ATRNL1: variants seen among roughly 807,000 people sequenced by gnomAD.
The protein encoded by ATRNL1 is attractin-like protein 1.
In ATRNL1, 95 loss-of-function variants were observed where a neutral mutation model predicts 182.7. The ratio of observed to expected loss-of-function variants is 0.52; its 90% CI spans 0.44 to 0.62. ATRNL1 has a LOEUF of 0.62. Among genes scored for constraint, ATRNL1 ranks in the 20% least tolerant of loss-of-function variants. ATRNL1 has a pLI of 0.00. For synonymous variants in ATRNL1, 576 were observed against 568.3 expected (o/e 1.01, Z -0.19); for missense variants, 1,471 against 1,679.5 (o/e 0.88, Z 2.17).
In ATRNL1 at chr10:115,286,233, G is replaced by A. The variant is rs782638254; in HGVS notation, c.2251G>A (p.Gly751Arg). The change falls in exon 15 of 29, where the codon GGA (glycine) becomes AGA (arginine). Residue 751 changes from glycine to arginine, a missense_variant. Transcript: ENST00000355044. ...CTTACTAGCTCATCTTTGTGGAGAA[G>A]GATGGAGTCATATTGGGGATGCTTG... ...QALPAHLCGEGWSHIGDACLR... is the reference protein window; with the variant it reads ...QALPAHLCGERWSHIGDACLR... The A allele has an allele frequency of 1.6e-5, 25 of 1,578,156 alleles. No individual in the cohort carries two copies. The highest frequency in any genetic ancestry group is 1.7e-5 in the Non-Finnish European group (20 of 1,152,222).
Position 115,364,482 on chromosome 10 carries a change from TC to T in ATRNL1, c.3175+30065del, listed in dbSNP as rs1304242736. The stretch of plus-strand genomic sequence containing the variant: ...GTCTGCAAACAGGGACAATTTGACT[TC>T]CTCTTTTCCTAATTGAATACCCTTT... On this transcript the variant is annotated intron_variant, in intron 19 of 28. Coordinates refer to ENST00000355044, the MANE Select transcript of ATRNL1 (RefSeq NM_207303.4). Among the ~76,000 whole-genome samples, 4 of 147,618 alleles carry T rather than the reference TC, an allele frequency of 2.7e-5. No individual in the cohort carries two copies. In the Admixed American group the frequency reaches 2.7e-4, roughly 10 times the overall value.
chr10:115,284,193 A>C (rs1852500579), intron 14 of ATRNL1, among the ~76,000 whole-genome samples: 1 of 152,214 alleles, frequency 6.6e-6, no homozygotes, highest in South Asian at 2.1e-4. Flanking sequence ...ATACTACAAA[A>C]GCCTGAAGTA....
chr10:115,730,808 C>T (rs925698443), intron 27 of ATRNL1, among the ~76,000 whole-genome samples: 17 of 151,794 alleles, frequency 1.1e-4, no homozygotes, highest in African/African-American at 4.1e-4. Flanking sequence ...TGTATATATT[C>T]TATATATATA....
At chr10:115,875,022 G>A (rs1333691730) in intron 28 of ATRNL1, among the ~76,000 whole-genome samples, 2 of 152,142 alleles carry the variant, frequency 1.3e-5, no homozygotes, top group African/African-American at 4.8e-5. Context: ...AGTAATCCAG[G>A]CAGGTGAGGG....
intron 17 of ATRNL1, among the ~76,000 whole-genome samples, chr10:115,307,933 C>T (rs1188946870): frequency 2.4e-5 from 2 of 85,076 alleles, no homozygotes; most frequent in Non-Finnish European, 5.2e-5. Flanking sequence ...TTTACATTAT[C>T]GTTTTCTACT....
At chr10:115,743,689 T>C (rs930143409) in intron 27 of ATRNL1, among the ~76,000 whole-genome samples, 44 of 152,196 alleles carry the variant, frequency 2.9e-4, no homozygotes, top group African/African-American at 1.0e-3. Flanking sequence ...GCTTTATTTA[T>C]TGATTATTCT....
chr10:115,421,782 T>C (rs1453973837), intron 20 of ATRNL1, among the ~76,000 whole-genome samples: 1 of 152,086 alleles, frequency 6.6e-6, no homozygotes, highest in Non-Finnish European at 1.5e-5. Context: ...ACCATGTTAA[T>C]TGACTTCAAA....
intron 27 of ATRNL1, among the ~76,000 whole-genome samples, chr10:115,818,082 G>C (rs1950207700): frequency 6.6e-6 from 1 of 151,574 alleles, no homozygotes. Flanking sequence ...CCATTAGTCT[G>C]TGCAAATTGC....
At chr10:115,128,646 G>C (rs1243229318) in intron 4 of ATRNL1, 2 of 154,036 alleles carry the variant, frequency 1.3e-5, no homozygotes, top group Admixed American at 1.3e-4. Context: ...CTAACACGGT[G>C]AAACCCTGTC....
chr10:115,817,940 A>C (rs1307087962), intron 27 of ATRNL1, among the ~76,000 whole-genome samples: 1 of 150,792 alleles, frequency 6.6e-6, no homozygotes, highest in Admixed American at 6.6e-5. Flanking sequence ...TCGTGGCTCC[A>C]ACAGAAAATT....
At chr10:115,333,294 A>T (rs1187985999) in intron 18 of ATRNL1, among the ~76,000 whole-genome samples, 1 of 152,164 alleles carries the variant, frequency 6.6e-6, no homozygotes, top group Admixed American at 6.5e-5. Flanking sequence ...CATGAACTTT[A>T]TTCTGAAATT....
chr10:115,468,593 C>T lies in ATRNL1; in HGVS notation c.3497-579C>T, dbSNP rs192683315. 8.6e-5 allele frequency among the ~76,000 whole-genome samples: 13 copies of T among 150,844 alleles called. No homozygotes were observed. The East Asian group carries it at 2.3e-3, about 27-fold the overall frequency. Reference sequence around the variant, plus strand: ...TTTATTCAGCACTCTATGTGTTTAACCAATTGAGCATTTAGCTCATGTTTT... The same window carrying T: ...TTTATTCAGCACTCTATGTGTTTAATCAATTGAGCATTTAGCTCATGTTTT... On this transcript the variant is annotated intron_variant, in intron 23 of 28. Transcript: ENST00000355044.
intron 8 of ATRNL1, among the ~76,000 whole-genome samples, chr10:115,205,883 C>T (rs1485802189): frequency 6.6e-6 from 1 of 152,036 alleles, no homozygotes; most frequent in Non-Finnish European, 1.5e-5. Flanking sequence ...AAGAGAAGAA[C>T]AGTGTATTGC....
At chr10:115,402,900 G>T (rs1554957305) in intron 20 of ATRNL1, among the ~76,000 whole-genome samples, 1 of 152,096 alleles carries the variant, frequency 6.6e-6, no homozygotes, top group Non-Finnish European at 1.5e-5. Context: ...AAACTCCTGG[G>T]ATGGGAGCCA....
At chr10:115,322,725 C>A (rs1421483606) in intron 18 of ATRNL1, among the ~76,000 whole-genome samples, 2 of 151,992 alleles carry the variant, frequency 1.3e-5, no homozygotes, top group African/African-American at 2.4e-5. Flanking sequence ...TTAGGAATGT[C>A]ATTATTTCTC....
chr10:115,389,567 T>TATATATAC (rs1843895659), intron 19 of ATRNL1, among the ~76,000 whole-genome samples: 1 of 117,670 alleles, frequency 8.5e-6, no homozygotes, highest in East Asian at 2.5e-4. Context: ...TATATATATA[T>TATATATAC]ATATATATAT....
intron 27 of ATRNL1, among the ~76,000 whole-genome samples, chr10:115,823,116 T>C (rs1392505254): frequency 6.6e-6 from 1 of 152,152 alleles, no homozygotes; most frequent in Non-Finnish European, 1.5e-5. Context: ...GGGCTGCAAG[T>C]CTGGTTCAAC....
At chr10:115,367,489 T>C (rs1857113582) in intron 19 of ATRNL1, among the ~76,000 whole-genome samples, 1 of 150,868 alleles carries the variant, frequency 6.6e-6, no homozygotes, top group South Asian at 2.1e-4. Context: ...TCAGAGTAAT[T>C]TGATCATCTG....
At chr10:115,363,486 G>A (rs1856857526) in intron 19 of ATRNL1, among the ~76,000 whole-genome samples, 1 of 146,040 alleles carries the variant, frequency 6.8e-6, no homozygotes, top group Non-Finnish European at 1.5e-5. Flanking sequence ...CACTCTGATG[G>A]TAGTTTCTTT....
Sources: gnomAD v4.1 joint callset for allele counts (sites outside exome capture counted in the v4.1 genomes callset) on GRCh38, gnomAD v4.1.1 for gene constraint, MANE v1.5 for transcripts, NCBI Gene and HGNC (gene_info 2026-07-23, HGNC 2026-07-21) for gene names.